NKAIN2: variants seen among roughly 807,000 people sequenced by gnomAD.
NKAIN2 encodes sodium/potassium-transporting ATPase subunit beta-1-interacting protein 2.
NKAIN2 carries 14 observed loss-of-function variants against 32.6 expected under a neutral mutation model. The ratio of observed to expected loss-of-function variants is 0.43; its 90% CI spans 0.28 to 0.67. NKAIN2 has a LOEUF of 0.67. Among genes scored for constraint, NKAIN2 ranks in the 30% least tolerant of loss-of-function variants. NKAIN2 has a pLI of 0.17. For synonymous variants in NKAIN2, 80 were observed against 87.2 expected, an observed-to-expected ratio of 0.92 and a Z score of 0.46; for missense variants, 198 against 258.3, an observed-to-expected ratio of 0.77 and a Z score of 1.60.
intron 1 of NKAIN2, among the ~76,000 whole-genome samples, chr6:123,931,976 T>A (rs1423980334): frequency 6.6e-6 from 1 of 152,170 alleles, no homozygotes; most frequent in Non-Finnish European, 1.5e-5. Flanking sequence ...CTCAAGAATA[T>A]ATACTTAAAA....
rs1219261654 is a variant in NKAIN2, at chr6:124,811,855, A to G, written c.536-6532A>G. Among the ~76,000 whole-genome samples the G allele has an allele frequency of 6.6e-5, 10 of 152,276 alleles. No homozygotes were observed. In the East Asian group the frequency reaches 1.2e-3, roughly 18 times the overall value. ...AATATGTGCAGTGTTTTGCATATCAATTATACCTCAGTATAGCTCTTAAAA... is the reference window on the plus strand; with the variant it reads ...AATATGTGCAGTGTTTTGCATATCAGTTATACCTCAGTATAGCTCTTAAAA... On this transcript the variant is annotated intron_variant, in intron 5 of 6. Coordinates refer to ENST00000368417, the MANE Select transcript of NKAIN2 (RefSeq NM_001040214.3).
intron 1 of NKAIN2, among the ~76,000 whole-genome samples, chr6:123,851,751 G>A (rs1312365699): frequency 2.0e-5 from 3 of 151,996 alleles, no homozygotes; most frequent in Admixed American, 6.5e-5. Flanking sequence ...GTCATCTTTT[G>A]CGAAATGTCT....
At chr6:124,441,367 A>C (rs1444288087) in intron 3 of NKAIN2, among the ~76,000 whole-genome samples, 1 of 152,092 alleles carries the variant, frequency 6.6e-6, no homozygotes, top group Non-Finnish European at 1.5e-5. Flanking sequence ...CCTTCACCAA[A>C]AAGTGGACTT....
At chr6:124,346,299 A>T (rs1006847265) in intron 2 of NKAIN2, among the ~76,000 whole-genome samples, 1 of 152,140 alleles carries the variant, frequency 6.6e-6, no homozygotes, top group Non-Finnish European at 1.5e-5. Context: ...GCTGAAAAAA[A>T]TGTATATTCT....
intron 2 of NKAIN2, among the ~76,000 whole-genome samples, chr6:124,341,072 A>G (rs1019406866): frequency 3.3e-5 from 5 of 152,312 alleles, no homozygotes; most frequent in Non-Finnish European, 5.9e-5. Flanking sequence ...ATGTTCTAAC[A>G]TTGATAGTCT....
At chr6:124,740,447 CGTGTGT>C (rs56154164) in intron 4 of NKAIN2, among the ~76,000 whole-genome samples, 3 of 143,754 alleles carry the variant, frequency 2.1e-5, no homozygotes, top group South Asian at 2.3e-4. Context: ...CACATATACA[CGTGTGT>C]GTGTGTGTGT....
intron 4 of NKAIN2, among the ~76,000 whole-genome samples, chr6:124,733,563 A>G (rs1358543968): frequency 1.3e-5 from 2 of 151,906 alleles, no homozygotes; most frequent in African/African-American, 4.8e-5. Flanking sequence ...TGATACTGCT[A>G]TACAACTGTA....
intron 1 of NKAIN2, among the ~76,000 whole-genome samples, chr6:123,886,009 G>A (rs1773699488): frequency 6.7e-6 from 1 of 149,606 alleles, no homozygotes; most frequent in Non-Finnish European, 1.5e-5. Context: ...AAAAAAAGAG[G>A]CAGTACACAT....
chr6:123,910,753 C>G (rs2114453080), intron 1 of NKAIN2, among the ~76,000 whole-genome samples: 1 of 152,038 alleles, frequency 6.6e-6, no homozygotes, highest in South Asian at 2.1e-4. Flanking sequence ...ATCTGCCCGC[C>G]TTAGCCTCCC....
At chr6:124,059,613 G>C (rs1449994551) in intron 1 of NKAIN2, among the ~76,000 whole-genome samples, 1 of 152,114 alleles carries the variant, frequency 6.6e-6, no homozygotes, top group Admixed American at 6.6e-5. Context: ...CAGCACATGT[G>C]AATGCATCCG....
chr6:124,542,254 A>G lies in NKAIN2; in HGVS notation c.274-115932A>G, dbSNP rs117797239. ...AGCTAAATAAAACTGGAATTTAAGA[A>G]GACAAAATACTCTAGAAATGCTTGT... On this transcript the variant is annotated intron_variant, in intron 3 of 6. Coordinates refer to ENST00000368417, the MANE Select transcript of NKAIN2 (RefSeq NM_001040214.3). 1.1e-3 allele frequency among the ~76,000 whole-genome samples: 166 copies of G among 152,276 alleles called. 3 individuals carry two copies. The East Asian group carries it at 0.03, about 27-fold the overall frequency.
intron 1 of NKAIN2, among the ~76,000 whole-genome samples, chr6:124,194,514 C>T (rs1413679049): frequency 1.3e-5 from 2 of 151,948 alleles, no homozygotes; most frequent in East Asian, 3.9e-4. Context: ...TTTAAATCTA[C>T]CATCTTATTA....
Position 124,227,244 on chromosome 6 carries a change from G to A in NKAIN2, c.55-55761G>A, listed in dbSNP as rs370332645. Among the ~76,000 whole-genome samples, 3 of 152,136 alleles carry A rather than the reference G, an allele frequency of 2.0e-5. No homozygotes were observed. The East Asian group carries it at 5.8e-4, about 29-fold the overall frequency. On this transcript the variant is annotated intron_variant, in intron 1 of 6. Transcript: ENST00000368417. Reference sequence around the variant, plus strand: ...TTTGGACTGTGGATTTGTGGATTGTGGATTGACAGACATGTGGATTATGGA... The same window carrying A: ...TTTGGACTGTGGATTTGTGGATTGTAGATTGACAGACATGTGGATTATGGA...
At chr6:124,408,647 T>C (rs1168885433) in intron 3 of NKAIN2, among the ~76,000 whole-genome samples, 2 of 152,198 alleles carry the variant, frequency 1.3e-5, no homozygotes, top group Non-Finnish European at 2.9e-5. Flanking sequence ...TCCAGCTTTG[T>C]TCTTTTGGCT....
At chr6:124,401,676 C>T in intron 3 of NKAIN2, among the ~76,000 whole-genome samples, 1 of 152,120 alleles carries the variant, frequency 6.6e-6, no homozygotes, top group East Asian at 1.9e-4. Flanking sequence ...CCTGATTACT[C>T]GTGATGCATA....
chr6:124,334,229 T>G (rs1254286744), intron 2 of NKAIN2, among the ~76,000 whole-genome samples: 1 of 152,230 alleles, frequency 6.6e-6, no homozygotes, highest in East Asian at 1.9e-4. Context: ...ACCAGAACCC[T>G]TGAGCCCAAA....
At chr6:124,529,814 A>T (rs999641349) in intron 3 of NKAIN2, among the ~76,000 whole-genome samples, 1 of 152,172 alleles carries the variant, frequency 6.6e-6, no homozygotes, top group Non-Finnish European at 1.5e-5. Flanking sequence ...CACTCATGTA[A>T]CCATTAGAGA....
At chr6:124,614,644 C>T (rs1463618639) in intron 3 of NKAIN2, among the ~76,000 whole-genome samples, 1 of 152,124 alleles carries the variant, frequency 6.6e-6, no homozygotes, top group African/African-American at 2.4e-5. Context: ...TCTTTATTCA[C>T]TCCTCACTCT....
intron 4 of NKAIN2, among the ~76,000 whole-genome samples, chr6:124,685,636 T>C (rs186132347): frequency 1.3e-5 from 2 of 152,292 alleles, no homozygotes; most frequent in Non-Finnish European, 2.9e-5. Flanking sequence ...AATGCTATCC[T>C]AAGAACCCTT....
Sources: gnomAD v4.1 joint callset for allele counts (sites outside exome capture counted in the v4.1 genomes callset) on GRCh38, gnomAD v4.1.1 for gene constraint, MANE v1.5 for transcripts, NCBI Gene and HGNC (gene_info 2026-07-23, HGNC 2026-07-21) for gene names.